Variants in RFX6 observed in about 807,000 individuals in gnomAD.
The protein encoded by RFX6 is regulatory factor X6, also known as DNA-binding protein RFX6.
In RFX6, 50 loss-of-function variants were observed where a neutral mutation model predicts 110.8. That is an observed-to-expected ratio of 0.45 (90% CI 0.36 to 0.57). The LOEUF (loss-of-function observed/expected upper bound fraction) is 0.57. RFX6 is among the 20% of genes least tolerant of loss of function. The pLI, the probability that RFX6 is intolerant of heterozygous loss-of-function variation, is 0.00. For missense variants in RFX6, 990 were observed against 1,127.0 expected (o/e 0.88, Z 1.74); for synonymous variants, 383 against 411.2 (o/e 0.93, Z 0.83).
rs1275218846 is a variant in RFX6, at chr6:116,927,377, G to A, written c.2236G>A (p.Gly746Arg). ...SRDFFSGSCAGSPYNSRPPSS... is the reference protein window; with the variant it reads ...SRDFFSGSCARSPYNSRPPSS... ...AGACTTCTTCAGTGGCAGCTGTGCG[G>A]GGTCTCCATATAACTCCCGGCCACC... Residue 746 changes from glycine (G) to arginine (R), a missense_variant, in exon 17 of 19, where the codon GGG (glycine) becomes AGG (arginine). Coordinates refer to ENST00000332958, the MANE Select transcript of RFX6 (RefSeq NM_173560.4). The A allele has an allele frequency of 9.3e-6, 15 of 1,613,858 alleles. No individual in the cohort carries two copies. The highest frequency in any genetic ancestry group is 1.3e-5 in the Non-Finnish European group (15 of 1,179,892).
intron 16 of RFX6, among the ~76,000 whole-genome samples, chr6:116,925,867 A>G (rs980525326): frequency 1.3e-5 from 2 of 151,556 alleles, no homozygotes; most frequent in Non-Finnish European, 2.9e-5. Context: ...GTCTTGACAC[A>G]CTCCATAAAT....
chr6:116,921,840 C>G (rs1775604961), intron 12 of RFX6, among the ~76,000 whole-genome samples: 1 of 151,940 alleles, frequency 6.6e-6, no homozygotes, highest in African/African-American at 2.4e-5. Flanking sequence ...CTCACACACA[C>G]ACCATTGAAG....
rs373698109 is a variant in RFX6 at position 116,931,435 on chromosome 6, A to C, written c.2716A>C (p.Ser906Arg). The C allele has an allele frequency of 1.1e-5, 18 of 1,613,216 alleles. 1 individual carries two copies. In the East Asian group the frequency reaches 2.0e-4, roughly 18 times the overall value. Residue 906 changes from serine to arginine, a missense_variant, in exon 19 of 19, where the codon AGT becomes CGT. Physicochemically the swap from Ser to Arg is moderately radical, Grantham distance 110 (BLOSUM62 -1). Around this residue, in one of 5 missense-constraint regions of RFX6, gnomAD observed 438 missense variants for 441.9 expected, o/e 0.99. Transcript: ENST00000332958. ...AACCCTGGACTCCCATGGAACAAGCAGTAGAGAAATGGTGTCCTCTTTACC... is the reference window on the plus strand; with the variant it reads ...AACCCTGGACTCCCATGGAACAAGCCGTAGAGAAATGGTGTCCTCTTTACC... ...QETLDSHGTS[S>R]REMVSSLPPI...
In RFX6 at chr6:116,916,317, A is replaced by C; in HGVS notation, c.972+3A>C. 1 of 1,555,794 alleles carries C rather than the reference A, an allele frequency of 6.4e-7. No homozygotes were observed. The highest frequency in any genetic ancestry group is 8.9e-7 in the Non-Finnish European group (1 of 1,127,736). On this transcript the variant is annotated splice_donor_region_variant and intron_variant, in intron 9 of 18. Transcript: ENST00000332958. The stretch of plus-strand genomic sequence containing the variant: ...TTTGTGACTCAATTCTTTATAAGGT[A>C]AGCACTTTGGGATGTCTTAAACATG...
intron 4 of RFX6, among the ~76,000 whole-genome samples, chr6:116,886,323 A>G (rs1774698063): frequency 6.6e-6 from 1 of 152,194 alleles, no homozygotes; most frequent in Admixed American, 6.5e-5. Flanking sequence ...ATGTCCAGTC[A>G]TCTCACTGGG....
intron 6 of RFX6, among the ~76,000 whole-genome samples, chr6:116,897,667 T>C (rs1434769034): frequency 6.6e-6 from 1 of 152,146 alleles, no homozygotes; most frequent in Non-Finnish European, 1.5e-5. Flanking sequence ...AGGAAGCCAG[T>C]AGATCCATTG....
In RFX6 at chr6:116,877,252, C is replaced by T; in HGVS notation, c.-24C>T. 1 of 1,575,052 alleles carries T rather than the reference C, an allele frequency of 6.3e-7. No individual in the cohort carries two copies. The highest frequency in any genetic ancestry group is 8.6e-7 in the Non-Finnish European group (1 of 1,156,084). ...TGGGGAACCGGCCGAGCGGCGCGCG[C>T]GGAGGTGTCCGGCGGCCAGGAGGAT... On this transcript the variant is annotated 5_prime_UTR_variant, in exon 1 of 19. Coordinates refer to ENST00000332958, the MANE Select transcript of RFX6 (RefSeq NM_173560.4).
At chr6:116,878,073 C>A in intron 2 of RFX6, 121 bp downstream of exon 2, 2 of 1,054,328 alleles carry the variant, frequency 1.9e-6, no homozygotes, top group African/African-American at 1.6e-5. Context: ...GTTTAAAAAA[C>A]CAATTAGAAT....
intron 7 of RFX6, among the ~76,000 whole-genome samples, chr6:116,914,471 ACTTCC>A (rs1339071769): frequency 4.6e-5 from 7 of 152,194 alleles, no homozygotes; most frequent in African/African-American, 1.7e-4. Flanking sequence ...AACAGTTATG[ACTTCC>A]CTTCCATCTT....
At chr6:116,928,340 T>C (rs1412011483) in intron 17 of RFX6, among the ~76,000 whole-genome samples, 1 of 152,168 alleles carries the variant, frequency 6.6e-6, no homozygotes, top group African/African-American at 2.4e-5. Context: ...TGTAGGCCAG[T>C]CTTTGTCTTC....
At chr6:116,887,505 A>G (rs1306695280) in intron 4 of RFX6, among the ~76,000 whole-genome samples, 1 of 152,172 alleles carries the variant, frequency 6.6e-6, no homozygotes, top group Non-Finnish European at 1.5e-5. Flanking sequence ...CTTTAGTTTT[A>G]CTACCAATTC....
chr6:116,922,346 A>T (rs890954984), intron 13 of RFX6, among the ~76,000 whole-genome samples, 195 bp downstream of exon 13: 1 of 152,154 alleles, frequency 6.6e-6, no homozygotes, highest in Non-Finnish European at 1.5e-5. Context: ...AGCATTGGGC[A>T]TGGATTCCAT....
At chr6:116,891,064 A>C (rs528588992) in intron 4 of RFX6, among the ~76,000 whole-genome samples, 1 of 152,352 alleles carries the variant, frequency 6.6e-6, no homozygotes, top group African/African-American at 2.4e-5. Context: ...ATGGTTTTAA[A>C]AACTGCAAGT....
At chr6:116,890,224 C>G (rs1344617414) in intron 4 of RFX6, among the ~76,000 whole-genome samples, 1 of 152,080 alleles carries the variant, frequency 6.6e-6, no homozygotes, top group African/African-American at 2.4e-5. Flanking sequence ...AAACAAATCA[C>G]ATAATTTTTG....
chr6:116,899,467 T>C (rs561741968), intron 6 of RFX6, among the ~76,000 whole-genome samples: 17 of 152,274 alleles, frequency 1.1e-4, no homozygotes, highest in Admixed American at 2.6e-4. Flanking sequence ...CAACTGTAGA[T>C]AGAACAAATC....
intron 4 of RFX6, among the ~76,000 whole-genome samples, chr6:116,890,648 C>G (rs2114669797): frequency 6.6e-6 from 1 of 152,276 alleles, no homozygotes; most frequent in East Asian, 1.9e-4. Context: ...AAGAAAAGTA[C>G]ATGCCATTTC....
At chr6:116,915,739 A>G (rs1307884755) in intron 7 of RFX6, among the ~76,000 whole-genome samples, 1 of 152,128 alleles carries the variant, frequency 6.6e-6, no homozygotes, top group Non-Finnish European at 1.5e-5. Flanking sequence ...TTTAGTAGGC[A>G]TAAAACTAGG....
intron 4 of RFX6, 85 bp downstream of exon 4, chr6:116,882,513 A>T: frequency 1.1e-6 from 1 of 947,674 alleles, no homozygotes. Context: ...CTTTGTCAGT[A>T]CAAAGAGAAC....
chr6:116,882,270 G>C, intron 3 of RFX6, 97 bp from the exon 4 acceptor site: 2 of 827,942 alleles, frequency 2.4e-6, no homozygotes, highest in Admixed American at 1.8e-5. Context: ...AGTTCATTCA[G>C]AGTTCAACAT....
Sources: gnomAD v4.1 joint callset for allele counts (sites outside exome capture counted in the v4.1 genomes callset) on GRCh38, gnomAD v4.1.1 for gene constraint, gnomAD v4.1.1 regional missense constraint, MANE v1.5 for transcripts, NCBI Gene and HGNC (gene_info 2026-07-23, HGNC 2026-07-21) for gene names.